Variants in ST6GALNAC3 observed in about 807,000 individuals in gnomAD.
ST6GALNAC3 encodes ST6 N-acetylgalactosaminide alpha-2,6-sialyltransferase 3.
Under a neutral mutation model 32.7 loss-of-function variants are expected in ST6GALNAC3, and 25 were observed. The observed-to-expected ratio is 0.76, with a 90% CI of 0.56 to 1.07. The LOEUF (loss-of-function observed/expected upper bound fraction) is 1.07. Among genes scored for constraint, ST6GALNAC3 ranks in the 50% least tolerant of loss-of-function variants. The pLI is 0.00. For synonymous variants in ST6GALNAC3, 129 were observed against 133.1 expected, an observed-to-expected ratio of 0.97 and a Z score of 0.21; for missense variants, 355 against 382.4, an observed-to-expected ratio of 0.93 and a Z score of 0.60.
At chr1:76,081,838 G>A (rs1035851968) in intron 1 of ST6GALNAC3, among the ~76,000 whole-genome samples, 23 of 152,118 alleles carry the variant, frequency 1.5e-4, no homozygotes, top group Admixed American at 1.0e-3. Flanking sequence ...CCCACAAATC[G>A]TATACATTTC....
At chr1:76,474,274 A>T (rs1659211961) in intron 3 of ST6GALNAC3, among the ~76,000 whole-genome samples, 1 of 152,214 alleles carries the variant, frequency 6.6e-6, no homozygotes, top group African/African-American at 2.4e-5. Context: ...CAAAGCAGAG[A>T]GACAAATTAC....
chr1:76,199,116 G>A (rs1421187635), intron 1 of ST6GALNAC3, among the ~76,000 whole-genome samples: 1 of 152,164 alleles, frequency 6.6e-6, no homozygotes, highest in Admixed American at 6.5e-5. Flanking sequence ...ACAAATTCAA[G>A]TTTCATGTGG....
chr1:76,347,872 A>G (rs1443174708), intron 2 of ST6GALNAC3, among the ~76,000 whole-genome samples: 2 of 152,180 alleles, frequency 1.3e-5, no homozygotes, highest in Non-Finnish European at 1.5e-5. Flanking sequence ...AATAATGTAT[A>G]TAAAAGTGCT....
At chr1:76,086,533 T>C (rs778311830) in intron 1 of ST6GALNAC3, among the ~76,000 whole-genome samples, 8 of 152,192 alleles carry the variant, frequency 5.3e-5, no homozygotes, top group Non-Finnish European at 8.8e-5. Flanking sequence ...TGTGCCTTTG[T>C]CTATATTGAA....
At chr1:76,289,406 T>A (rs12125121) in intron 1 of ST6GALNAC3, among the ~76,000 whole-genome samples, 1 of 152,086 alleles carries the variant, frequency 6.6e-6, no homozygotes, top group East Asian at 1.9e-4. Context: ...CGATTACTCA[T>A]GTTTTTAAAG....
At chr1:76,305,873 G>A (rs1444328465) in intron 1 of ST6GALNAC3, 1 of 517,042 alleles carries the variant, frequency 1.9e-6, no homozygotes, top group Non-Finnish European at 3.9e-6. Context: ...CATAGATGGA[G>A]AAAATGGTAA....
intron 3 of ST6GALNAC3, among the ~76,000 whole-genome samples, chr1:76,507,617 A>G (rs1661559913): frequency 6.6e-6 from 1 of 152,122 alleles, no homozygotes; most frequent in African/African-American, 2.4e-5. Flanking sequence ...ATTCATTTTT[A>G]TGGCTAAGTT....
intron 3 of ST6GALNAC3, among the ~76,000 whole-genome samples, chr1:76,578,401 T>C (rs1268481318): frequency 6.6e-6 from 1 of 152,028 alleles, no homozygotes; most frequent in African/African-American, 2.4e-5. Context: ...GGGGTTTTTG[T>C]TTGTTGGCTT....
intron 3 of ST6GALNAC3, among the ~76,000 whole-genome samples, chr1:76,595,482 G>T (rs945459548): frequency 1.3e-5 from 2 of 152,032 alleles, no homozygotes; most frequent in African/African-American, 2.4e-5. Context: ...CACTCTGACT[G>T]ATCTCCTGCA....
intron 2 of ST6GALNAC3, among the ~76,000 whole-genome samples, chr1:76,327,367 C>T (rs1356394832): frequency 6.6e-6 from 1 of 151,660 alleles, no homozygotes; most frequent in African/African-American, 2.4e-5. Flanking sequence ...AGAATTGCCT[C>T]ATGAGATTGT....
chr1:76,545,010 G>A (rs930035684), intron 3 of ST6GALNAC3, among the ~76,000 whole-genome samples: 2 of 152,134 alleles, frequency 1.3e-5, no homozygotes, highest in African/African-American at 4.8e-5. Context: ...TCATTTTGCT[G>A]CAGATCAGTG....
At chr1:76,228,434 G>A (rs1460121113) in intron 1 of ST6GALNAC3, among the ~76,000 whole-genome samples, 2 of 152,044 alleles carry the variant, frequency 1.3e-5, no homozygotes, top group Admixed American at 6.6e-5. Flanking sequence ...TTCTTAGGTG[G>A]CCCAGTAACC....
intron 3 of ST6GALNAC3, among the ~76,000 whole-genome samples, chr1:76,605,239 A>T (rs1000624127): frequency 6.6e-6 from 1 of 152,174 alleles, no homozygotes. Context: ...TCTGAGTATT[A>T]ACGTATGAGT....
At chr1:76,324,058 C>T (rs1310973534) in intron 2 of ST6GALNAC3, among the ~76,000 whole-genome samples, 22 of 151,744 alleles carry the variant, frequency 1.4e-4, no homozygotes, top group Non-Finnish European at 2.9e-5. Context: ...CATGGTTTCA[C>T]CATGTTGCCC....
chr1:76,239,401 A>G (rs1428698125), intron 1 of ST6GALNAC3, among the ~76,000 whole-genome samples: 1 of 93,992 alleles, frequency 1.1e-5, no homozygotes, highest in Non-Finnish European at 2.1e-5. Flanking sequence ...ATTTATAATA[A>G]AAAAAAAGTT....
At chr1:76,217,964 G>A (rs971507292) in intron 1 of ST6GALNAC3, among the ~76,000 whole-genome samples, 5 of 152,098 alleles carry the variant, frequency 3.3e-5, no homozygotes, top group African/African-American at 9.7e-5. Context: ...TGCAAATTAC[G>A]CTGCTATAAA....
intron 2 of ST6GALNAC3, among the ~76,000 whole-genome samples, chr1:76,375,046 T>C (rs1273374713): frequency 6.6e-6 from 1 of 152,116 alleles, no homozygotes; most frequent in African/African-American, 2.4e-5. Flanking sequence ...TCCAAAAACT[T>C]GCAAATTTCA....
At chr1:76,162,050 C>T (rs755341529) in intron 1 of ST6GALNAC3, among the ~76,000 whole-genome samples, 12 of 152,192 alleles carry the variant, frequency 7.9e-5, no homozygotes, top group Admixed American at 2.0e-4. Context: ...TCTTCAAAAA[C>T]TGTGCTCCAA....
chr1:76,285,385 G>GGTGTGTGTGTGTGT (rs140357874), intron 1 of ST6GALNAC3, among the ~76,000 whole-genome samples: 48,707 of 148,078 alleles, frequency 0.33, 7,997 homozygotes, highest in Middle Eastern at 0.35. Flanking sequence ...TCGGGAGGAT[G>GGTGTGTGTGTGTGT]GTGTGTGTGT....
Sources: allele counts gnomAD v4.1 joint callset (sites outside exome capture counted in the v4.1 genomes callset), GRCh38; gene constraint gnomAD v4.1.1; transcripts MANE v1.5; gene names NCBI Gene and HGNC (gene_info 2026-07-23, HGNC 2026-07-21).